MTAP: variants seen among roughly 807,000 people sequenced by gnomAD.
MTAP encodes the protein methylthioadenosine phosphorylase.
MTAP carries 33 observed loss-of-function variants against 33.6 expected under a neutral mutation model. That is an observed-to-expected ratio of 0.98 (90% CI 0.74 to 1.31). The LOEUF (loss-of-function observed/expected upper bound fraction) is 1.31, where lower values mean the gene tolerates loss of function less well. Ranked by LOEUF, MTAP falls within the 40% of genes most tolerant of loss-of-function variation. The probability of loss-of-function intolerance (pLI) is 0.00; values close to 1 mark genes in which losing one functional copy is unlikely to be tolerated. For missense variants in MTAP, 367 were observed against 360.0 expected (o/e 1.02, Z -0.16); for synonymous variants, 148 against 125.7 (o/e 1.18, Z -1.19).
rs148925864 is a variant in MTAP, at chr9:21,901,673, A to G, written c.148-29335A>G. ...TTTTTAAAAAAGGTTAGTAGCAGCT[A>G]TAAGGGCAAAGGAAAACAACTGAGT... On this transcript the variant is annotated intron_variant, in intron 1 of 1. Transcript: ENST00000577563. Among the ~76,000 whole-genome samples, 573 of 152,306 alleles carry G rather than the reference A, an allele frequency of 3.8e-3. 6 individuals are homozygous for G. The highest frequency in any genetic ancestry group is 0.012 in the African/African-American group (509 of 41,568).
At chr9:21,928,024 A>G (rs866853698) in intron 1 of MTAP, among the ~76,000 whole-genome samples, 1 of 152,358 alleles carries the variant, frequency 6.6e-6, no homozygotes, top group Admixed American at 6.5e-5. Flanking sequence ...CTAAAGAGGC[A>G]GCCATCTCAA....
intron 1 of MTAP, among the ~76,000 whole-genome samples, chr9:21,889,163 G>T (rs533675562): frequency 6.6e-6 from 1 of 151,630 alleles, no homozygotes; most frequent in Non-Finnish European, 1.5e-5. Context: ...TTTGAATTTT[G>T]TTCATTTTTA....
intron 1 of MTAP, among the ~76,000 whole-genome samples, chr9:21,915,688 TAACTC>T (rs1818676880): frequency 6.6e-6 from 1 of 152,140 alleles, no homozygotes; most frequent in African/African-American, 2.4e-5. Context: ...CTTTAAAAGA[TAACTC>T]AGACTATGGT....
intron 1 of MTAP, among the ~76,000 whole-genome samples, chr9:21,879,766 TA>T (rs1200166313): frequency 5.3e-5 from 8 of 152,166 alleles, no homozygotes; most frequent in African/African-American, 1.9e-4. Flanking sequence ...ATCTGTAAAG[TA>T]TCTTATTTCT....
intron 4 of MTAP, among the ~76,000 whole-genome samples, chr9:21,820,602 T>C (rs1824609436): frequency 6.6e-6 from 1 of 152,204 alleles, no homozygotes; most frequent in Non-Finnish European, 1.5e-5. Flanking sequence ...TCTTTTGGCT[T>C]AGGATTGTCT....
At chr9:21,818,804 T>C (rs1824554001) in intron 4 of MTAP, among the ~76,000 whole-genome samples, 2 of 152,250 alleles carry the variant, frequency 1.3e-5, no homozygotes, top group South Asian at 4.1e-4. Flanking sequence ...GATTTTTACT[T>C]TAACAATTTT....
Position 21,818,130 on chromosome 9 carries a change from C to A in MTAP, c.275C>A (p.Thr92Asn). 2 of 1,613,948 alleles carry A rather than the reference C, an allele frequency of 1.2e-6. No individual in the cohort carries two copies. The highest frequency in any genetic ancestry group is 1.7e-6 in the Non-Finnish European group (2 of 1,179,954). ...GAGGGCTGTACACATGTCATAGTGA[C>A]CACAGCTTGTGGCTCCTTGAGGGAG... is the stretch of plus-strand genomic sequence containing the variant. ...KEEGCTHVIV[T>N]TACGSLREEI... The change falls in exon 4 of 8, where the codon ACC (threonine) becomes AAC (asparagine). Residue 92 changes from threonine (T) to asparagine (N), a missense_variant. Thr to Asn is a moderately conservative substitution (Grantham distance 65). Coordinates refer to ENST00000644715, the MANE Select transcript of MTAP (RefSeq NM_002451.4).
In MTAP at chr9:21,908,590, G is replaced by A. The variant is rs191299807; in HGVS notation, c.148-22418G>A. Among the ~76,000 whole-genome samples, 360 of 152,058 alleles carry A rather than the reference G, an allele frequency of 2.4e-3. 2 individuals are homozygous for A. Among genetic ancestry groups the A allele is most frequent in the Non-Finnish European group, 3.9e-3 (267 of 67,908 alleles). On this transcript the variant is annotated intron_variant, in intron 1 of 1. Transcript: ENST00000577563. ...TATAGTAGATCATGTTTTTAAATCCGCTCTGACAATCTCTGTCTTTTAATT... is the reference window on the plus strand; with the variant it reads ...TATAGTAGATCATGTTTTTAAATCCACTCTGACAATCTCTGTCTTTTAATT...
intron 5 of MTAP, among the ~76,000 whole-genome samples, chr9:21,852,279 T>G (rs1825531694): frequency 6.6e-6 from 1 of 151,554 alleles, no homozygotes; most frequent in African/African-American, 2.4e-5. Flanking sequence ...GAGGCCGAGG[T>G]GGGTGGATCA....
chr9:21,867,376 G>A (rs948939290), downstream of MTAP, among the ~76,000 whole-genome samples: 1 of 152,096 alleles, frequency 6.6e-6, no homozygotes, highest in African/African-American at 2.4e-5. Context: ...TGCCAAGAGT[G>A]TCATGAATGC....
At chr9:21,931,070 C>T in exon 2 of MTAP, 1 of 764,434 alleles carries the variant, frequency 1.3e-6, no homozygotes, top group Non-Finnish European at 2.4e-6. Flanking sequence ...AAGAGTCACC[C>T]TTCTACAGAG....
At chr9:21,816,376 C>T (rs1007872700) in intron 2 of MTAP, among the ~76,000 whole-genome samples, 2 of 152,148 alleles carry the variant, frequency 1.3e-5, no homozygotes, top group African/African-American at 4.8e-5. Context: ...CTGCCTTTCA[C>T]CTTCACACCT....
chr9:21,859,232 T>G lies in MTAP; in HGVS notation c.691-71T>G, dbSNP rs1825702223. 3.9e-6 allele frequency: 6 copies of G among 1,543,306 alleles called. No individual in the cohort carries two copies. The South Asian group carries it at 7.7e-5, about 20-fold the overall frequency. ...ATTTAGGCTGTAGCAAGGCTGGAGC[T>G]CAGAAAAATGTTTTATGACAAGCAG... On this transcript the variant is annotated intron_variant, in intron 6 of 7. Coordinates refer to ENST00000644715, the MANE Select transcript of MTAP (RefSeq NM_002451.4).
intron 4 of MTAP, among the ~76,000 whole-genome samples, chr9:21,828,030 C>T (rs1430508363): frequency 6.6e-6 from 1 of 152,152 alleles, no homozygotes; most frequent in Non-Finnish European, 1.5e-5. Context: ...CTTTTACTCA[C>T]ATGTCTTAAA....
At position 21,865,921 on chromosome 9, in the gene MTAP, A is replaced by C. The variant is rs1468811132; in HGVS notation, c.*3907A>C. 4.0e-6 allele frequency: 2 copies of C among 499,050 alleles called. No homozygotes were observed. The highest frequency in any genetic ancestry group is 4.2e-5 in the African/African-American group (2 of 47,738). The allele number at this position is 499,050 out of a possible 1,614,324, so 30.9% of individuals were successfully genotyped here. A position where few individuals can be genotyped will look rare whatever the true frequency, so the allele number is the denominator to read the frequency against. ...CTATTCACCTGTTGATGAATGTTTG[A>C]ATTTTTTCCATTTGAGGAATTTTAT... On this transcript the variant is annotated 3_prime_UTR_variant, in exon 8 of 8. Coordinates refer to ENST00000644715, the MANE Select transcript of MTAP (RefSeq NM_002451.4).
chr9:21,803,034 A>ACACACACACACACACACACACACC (rs1587187341), intron 1 of MTAP: 1 of 1,021,454 alleles, frequency 9.8e-7, no homozygotes, highest in East Asian at 3.4e-5. Flanking sequence ...ACACACACAC[A>ACACACACACACACACACACACACC]CACCACCTTT....
chr9:21,847,119 C>T (rs1394063915), intron 5 of MTAP, among the ~76,000 whole-genome samples: 1 of 152,204 alleles, frequency 6.6e-6, no homozygotes, highest in African/African-American at 2.4e-5. Context: ...TCCCAGCGTA[C>T]ATCTTTCTCC....
At chr9:21,833,303 C>A (rs1214246648) in intron 4 of MTAP, among the ~76,000 whole-genome samples, 2 of 152,156 alleles carry the variant, frequency 1.3e-5, no homozygotes, top group African/African-American at 2.4e-5. Flanking sequence ...CCACCTCAGC[C>A]CCCCAAGTAG....
chr9:21,861,892 A>T (rs1010957926), intron 7 of MTAP, 84 bp from the exon 8 acceptor site: 1 of 905,656 alleles, frequency 1.1e-6, no homozygotes, highest in South Asian at 1.4e-5. Context: ...TGATCTAGAA[A>T]ATCAAAATCT....
Sources: gnomAD v4.1 joint callset for allele counts (sites outside exome capture counted in the v4.1 genomes callset) on GRCh38, gnomAD v4.1.1 for gene constraint, MANE v1.5 for transcripts, NCBI Gene and HGNC (gene_info 2026-07-23, HGNC 2026-07-21) for gene names.